TNS3: variants seen among roughly 807,000 people sequenced by gnomAD.
TNS3 encodes the protein tensin-3.
In TNS3, 45 loss-of-function variants were observed where a neutral mutation model predicts 140.9. That is an observed-to-expected ratio of 0.32 (90% CI 0.25 to 0.41). The LOEUF (loss-of-function observed/expected upper bound fraction) is 0.41. Ranked by LOEUF, TNS3 falls within the 10% of genes least tolerant of loss-of-function variation. TNS3 has a pLI of 1.00. For synonymous variants in TNS3, 815 were observed against 788.4 expected (o/e 1.03, Z -0.56); for missense variants, 1,716 against 1,906.7 (o/e 0.90, Z 1.86).
At chr7:47,351,300 G>A (rs902578372) in intron 17 of TNS3, among the ~76,000 whole-genome samples, 6 of 152,162 alleles carry the variant, frequency 3.9e-5, no homozygotes, top group Non-Finnish European at 7.3e-5. Context: ...AATTAATGTG[G>A]GAGGTAGTTT....
At chr7:47,510,722 G>A (rs1798576034) in intron 2 of TNS3, among the ~76,000 whole-genome samples, 1 of 151,752 alleles carries the variant, frequency 6.6e-6, no homozygotes, top group African/African-American at 2.4e-5. Flanking sequence ...AAAAATACAA[G>A]AAATTAGCTG....
rs1458164141 is a variant in TNS3 at position 47,441,996 on chromosome 7, C to T, written c.-23+7G>A. 7.7e-7 allele frequency: 1 copy of T among 1,290,324 alleles called. No individual in the cohort carries two copies. Among genetic ancestry groups the T allele is most frequent in the South Asian group, 1.2e-5 (1 of 81,020 alleles). 79.9% of individuals were successfully genotyped at this position (1,290,324 alleles called of 1,614,324 possible). A position where few individuals can be genotyped will look rare whatever the true frequency, so the allele number is the denominator to read the frequency against. ...CACAGGAATGCATGACCCACACAGA[C>T]ACTCACCGCAGAGGTTTATCACGGC... On this transcript the variant is annotated splice_region_variant and intron_variant, in intron 5 of 30. Coordinates refer to ENST00000311160, the MANE Select transcript of TNS3 (RefSeq NM_022748.12).
chr7:47,308,296 G>A (rs1390049100), intron 20 of TNS3, among the ~76,000 whole-genome samples: 1 of 152,122 alleles, frequency 6.6e-6, no homozygotes, highest in Non-Finnish European at 1.5e-5. Flanking sequence ...AGACACTGGA[G>A]TTTCTCTCTC....
intron 3 of TNS3, among the ~76,000 whole-genome samples, chr7:47,497,829 G>A (rs933573294): frequency 1.3e-5 from 2 of 152,130 alleles, no homozygotes; most frequent in African/African-American, 2.4e-5. Flanking sequence ...CTCCAGGACC[G>A]GGCTCCCCAC....
intron 20 of TNS3, among the ~76,000 whole-genome samples, chr7:47,315,363 G>A (rs952093920): frequency 4.6e-5 from 7 of 152,232 alleles, no homozygotes; most frequent in African/African-American, 9.6e-5. Context: ...GCAGCCCCCC[G>A]GGACCGGGCT....
Position 47,344,570 on chromosome 7 carries a change from C to T in TNS3, c.2650+185G>A, listed in dbSNP as rs144027863. ...CAGCGATGCAAGGCCAGGTTGCCACCACACAGTGGATTTCACGGCCACATC... is the reference window on the plus strand; with the variant it reads ...CAGCGATGCAAGGCCAGGTTGCCACTACACAGTGGATTTCACGGCCACATC... On this transcript the variant is annotated intron_variant, in intron 20 of 30. Transcript: ENST00000311160. Among the ~76,000 whole-genome samples, 474 of 152,366 alleles carry T rather than the reference C, an allele frequency of 3.1e-3. 2 individuals carry two copies. Among genetic ancestry groups the T allele is most frequent in the African/African-American group, 0.01 (428 of 41,586 alleles).
At chr7:47,405,398 A>C (rs1793388174) in intron 13 of TNS3, 2 of 655,146 alleles carry the variant, frequency 3.1e-6, no homozygotes, top group Admixed American at 2.2e-5. Flanking sequence ...GGAATCTGTG[A>C]ACTCAGAGAA....
chr7:47,364,747 C>T (rs1030974958), intron 17 of TNS3, among the ~76,000 whole-genome samples: 3 of 152,220 alleles, frequency 2.0e-5, no homozygotes, highest in African/African-American at 7.2e-5. Flanking sequence ...GCGGAGCTCC[C>T]AGGAAGGGCA....
chr7:47,545,141 A>AAT (rs1462086081), intron 1 of TNS3, among the ~76,000 whole-genome samples: 6 of 121,970 alleles, frequency 4.9e-5, no homozygotes, highest in Non-Finnish European at 6.7e-5. Context: ...GTAAGAGGGC[A>AAT]TTTTTTTTTT....
intron 20 of TNS3, among the ~76,000 whole-genome samples, chr7:47,339,762 T>A (rs1788841633): frequency 6.6e-6 from 1 of 152,020 alleles, no homozygotes; most frequent in African/African-American, 2.4e-5. Context: ...GGTAAAACTG[T>A]CTGTCAATCT....
At chr7:47,550,373 G>C (rs865796985) in intron 1 of TNS3, among the ~76,000 whole-genome samples, 1 of 152,192 alleles carries the variant, frequency 6.6e-6, no homozygotes, top group Non-Finnish European at 1.5e-5. Flanking sequence ...AAAGATAAAC[G>C]CGTAGAACAA....
At chr7:47,538,971 T>C (rs527244053) in intron 1 of TNS3, 7 of 455,676 alleles carry the variant, frequency 1.5e-5, no homozygotes, top group African/African-American at 1.4e-4. Flanking sequence ...CAATACCAGG[T>C]ACATAGCAGT....
intron 3 of TNS3, among the ~76,000 whole-genome samples, chr7:47,501,937 G>A (rs1376576331): frequency 6.6e-6 from 1 of 152,098 alleles, no homozygotes. Context: ...CGGGAGAGAC[G>A]CTCAACTCGT....
At chr7:47,351,703 G>C (rs775361017) in intron 17 of TNS3, among the ~76,000 whole-genome samples, 1 of 152,134 alleles carries the variant, frequency 6.6e-6, no homozygotes, top group African/African-American at 2.4e-5. Flanking sequence ...GCCAGGCCAC[G>C]GCACCTATGT....
intron 4 of TNS3, among the ~76,000 whole-genome samples, chr7:47,466,255 C>G (rs1264717190): frequency 6.6e-6 from 1 of 151,858 alleles, no homozygotes; most frequent in Non-Finnish European, 1.5e-5. Flanking sequence ...TGGGTTCAAG[C>G]CATTCTCCTG....
chr7:47,433,479 G>A (rs1032548189), intron 8 of TNS3, among the ~76,000 whole-genome samples: 15 of 152,188 alleles, frequency 9.9e-5, no homozygotes, highest in Admixed American at 8.5e-4. Flanking sequence ...TTAGCAAAAG[G>A]ATGCATTTTA....
intron 20 of TNS3, among the ~76,000 whole-genome samples, chr7:47,335,556 T>C (rs564889262): frequency 2.0e-5 from 3 of 152,324 alleles, no homozygotes; most frequent in East Asian, 3.9e-4. Context: ...AAAAGCAGGA[T>C]TCCCAGGGCT....
chr7:47,411,458 A>G (rs1433275253), intron 13 of TNS3, among the ~76,000 whole-genome samples: 2 of 152,164 alleles, frequency 1.3e-5, no homozygotes, highest in Non-Finnish European at 2.9e-5. Flanking sequence ...GCACTCTTAT[A>G]AGAATCTCAT....
intron 10 of TNS3, among the ~76,000 whole-genome samples, chr7:47,421,209 C>T (rs1426714591): frequency 2.0e-5 from 3 of 152,158 alleles, no homozygotes; most frequent in African/African-American, 7.2e-5. Flanking sequence ...ATGTCAGAAA[C>T]GTTAATAATT....
Sources: allele counts gnomAD v4.1 joint callset (sites outside exome capture counted in the v4.1 genomes callset), GRCh38; gene constraint gnomAD v4.1.1; transcripts MANE v1.5; gene names NCBI Gene and HGNC (gene_info 2026-07-23, HGNC 2026-07-21).